Variants in PDE3A observed in about 807,000 individuals in gnomAD.
The protein encoded by PDE3A is phosphodiesterase 3A, also known as cGMP-inhibited 3',5'-cyclic phosphodiesterase 3A.
A neutral mutation model predicts 98.3 loss-of-function variants in PDE3A; 43 were observed. That is an observed-to-expected ratio of 0.44 (90% confidence interval 0.34 to 0.56). The LOEUF is 0.56. Among genes scored for constraint, PDE3A ranks in the 20% least tolerant of loss-of-function variants. The pLI, the probability that PDE3A is intolerant of heterozygous loss-of-function variation, is 0.01. For synonymous variants in PDE3A, 663 were observed against 567.9 expected, an observed-to-expected ratio of 1.17 and a Z score of -2.38; for missense variants, 1,427 against 1,440.7, an observed-to-expected ratio of 0.99 and a Z score of 0.15.
intron 1 of PDE3A, among the ~76,000 whole-genome samples, chr12:20,412,452 A>G (rs1051057549): frequency 4.6e-5 from 7 of 152,064 alleles, no homozygotes; most frequent in Non-Finnish European, 5.9e-5. Context: ...ACTTTTTTTG[A>G]TTTAATCTAT....
intron 2 of PDE3A, among the ~76,000 whole-genome samples, chr12:20,597,964 T>TATC (rs201292671): frequency 0.018 from 2,790 of 152,264 alleles, 81 homozygotes; most frequent in African/African-American, 0.065. Context: ...AACAAAATTC[T>TATC]ATCATACTTA....
chr12:20,648,628 T>G, intron 12 of PDE3A, 60 bp from the exon 13 acceptor site: 1 of 1,064,714 alleles, frequency 9.4e-7, no homozygotes, highest in Non-Finnish European at 1.5e-6. Flanking sequence ...TTGCATATTC[T>G]CATGATTTTT....
At position 20,607,717 on chromosome 12, in the gene PDE3A, T is replaced by G. The variant is rs184281024; in HGVS notation, c.1012-5726T>G. ...GAATGTTTTATATTGCTTGGTAAGT[T>G]TTTTTTTTTAAAGGAAAAGATTTGT... On this transcript the variant is annotated intron_variant, in intron 2 of 15. Transcript: ENST00000359062. Among the ~76,000 whole-genome samples, 396 of 151,898 alleles carry G rather than the reference T, an allele frequency of 2.6e-3. 4 individuals are homozygous for G. Among genetic ancestry groups the G allele is most frequent in the Middle Eastern group, 0.01 (3 of 294 alleles).
chr12:20,503,366 C>A (rs1946057092), intron 1 of PDE3A, among the ~76,000 whole-genome samples: 2 of 151,946 alleles, frequency 1.3e-5, no homozygotes, highest in African/African-American at 4.8e-5. Flanking sequence ...AAAGACTACA[C>A]TTTTATCTGT....
At chr12:20,416,475 A>G (rs915146068) in intron 1 of PDE3A, among the ~76,000 whole-genome samples, 1 of 152,222 alleles carries the variant, frequency 6.6e-6, no homozygotes, top group Non-Finnish European at 1.5e-5. Context: ...ACCAGAATTA[A>G]GCATTCAAAA....
chr12:20,524,059 T>A (rs917687698), intron 1 of PDE3A, among the ~76,000 whole-genome samples: 1 of 152,212 alleles, frequency 6.6e-6, no homozygotes, highest in Non-Finnish European at 1.5e-5. Flanking sequence ...TCTTGAACCC[T>A]AGTTACCAGT....
intron 1 of PDE3A, among the ~76,000 whole-genome samples, chr12:20,421,450 G>T (rs967098513): frequency 1.3e-5 from 2 of 152,104 alleles, no homozygotes; most frequent in Admixed American, 1.3e-4. Context: ...TGGCTATGAG[G>T]AGTGTTGCTT....
At chr12:20,430,336 A>G (rs1026967658) in intron 1 of PDE3A, among the ~76,000 whole-genome samples, 1 of 152,112 alleles carries the variant, frequency 6.6e-6, no homozygotes, top group African/African-American at 2.4e-5. Flanking sequence ...ATCCAGAAAT[A>G]TCTATCCCTA....
chr12:20,380,767 A>G (rs569134710), intron 1 of PDE3A, among the ~76,000 whole-genome samples: 1 of 151,852 alleles, frequency 6.6e-6, no homozygotes, highest in Non-Finnish European at 1.5e-5. Context: ...TTTTTTGAAT[A>G]TACTACTTAA....
intron 1 of PDE3A, among the ~76,000 whole-genome samples, chr12:20,455,441 T>C (rs372452097): frequency 2.0e-4 from 30 of 152,234 alleles, no homozygotes; most frequent in Non-Finnish European, 2.5e-4. Flanking sequence ...TCTTTTGCTG[T>C]GCAGAGCTCT....
intron 5 of PDE3A, among the ~76,000 whole-genome samples, chr12:20,624,468 T>A (rs551402718): frequency 6.6e-6 from 1 of 152,050 alleles, no homozygotes; most frequent in South Asian, 2.1e-4. Flanking sequence ...AGGAGCAAAA[T>A]GTAAAAGGGA....
chr12:20,580,815 G>T (rs6487107), intron 2 of PDE3A, among the ~76,000 whole-genome samples: 110,494 of 152,150 alleles, frequency 0.73, 40,192 homozygotes, highest in Middle Eastern at 0.79. Flanking sequence ...GCATGTTGCT[G>T]TCCTAACAAA....
intron 1 of PDE3A, among the ~76,000 whole-genome samples, chr12:20,488,064 T>C (rs1051117983): frequency 2.6e-5 from 4 of 152,160 alleles, no homozygotes; most frequent in African/African-American, 9.7e-5. Flanking sequence ...CCAGGAGCAT[T>C]ATGAAATGCA....
intron 1 of PDE3A, among the ~76,000 whole-genome samples, chr12:20,421,166 A>C (rs935694862): frequency 6.6e-6 from 1 of 152,206 alleles, no homozygotes; most frequent in Non-Finnish European, 1.5e-5. Flanking sequence ...GTCAAGTTAC[A>C]CTATGTATTA....
At chr12:20,448,060 G>T (rs1410295471) in intron 1 of PDE3A, among the ~76,000 whole-genome samples, 2 of 152,182 alleles carry the variant, frequency 1.3e-5, no homozygotes, top group East Asian at 3.9e-4. Context: ...AGATTGGAAA[G>T]ATGGATCTGT....
At chr12:20,672,274 A>C (rs10770693) in intron 15 of PDE3A, among the ~76,000 whole-genome samples, 69,644 of 140,418 alleles carry the variant, frequency 0.5, 17,824 homozygotes, top group East Asian at 0.71. Context: ...CATACTGCCC[A>C]AGGTAATTTA....
chr12:20,414,955 A>C (rs1362091756), intron 1 of PDE3A, among the ~76,000 whole-genome samples: 1 of 151,006 alleles, frequency 6.6e-6, no homozygotes, highest in African/African-American at 2.4e-5. Context: ...ATTATAAAGT[A>C]CTCATTACTT....
intron 2 of PDE3A, among the ~76,000 whole-genome samples, chr12:20,603,249 C>T (rs1226149006): frequency 3.3e-5 from 5 of 152,168 alleles, no homozygotes; most frequent in African/African-American, 1.2e-4. Context: ...TAAGAATATT[C>T]CTCCCATGCT....
chr12:20,564,184 T>C (rs146831921), intron 2 of PDE3A, among the ~76,000 whole-genome samples: 116 of 152,146 alleles, frequency 7.6e-4, no homozygotes, highest in African/African-American at 2.5e-3. Context: ...CTCTACCTAG[T>C]AGAGGCCAGA....
Sources: gnomAD v4.1 joint callset for allele counts (sites outside exome capture counted in the v4.1 genomes callset) on GRCh38, gnomAD v4.1.1 for gene constraint, MANE v1.5 for transcripts, NCBI Gene and HGNC (gene_info 2026-07-23, HGNC 2026-07-21) for gene names.